Variants in WWOX observed in about 807,000 individuals in gnomAD.
The protein encoded by WWOX is WW domain-containing oxidoreductase.
A neutral mutation model predicts 46.2 loss-of-function variants in WWOX; 69 were observed. The observed-to-expected ratio is 1.49, with a 90% CI of 1.23 to 1.82. WWOX has a LOEUF of 1.82. Among genes scored for constraint, WWOX ranks in the 40% most tolerant of loss-of-function variants. The probability of loss-of-function intolerance (pLI) is 0.00; values close to 1 mark genes in which losing one functional copy is unlikely to be tolerated. For missense variants in WWOX, 919 were observed against 542.6 expected (o/e 1.69, Z -6.89); for synonymous variants, 359 against 202.6 (o/e 1.77, Z -6.56).
chr16:78,218,716 C>T (rs1241678173), intron 5 of WWOX, among the ~76,000 whole-genome samples: 1 of 152,160 alleles, frequency 6.6e-6, no homozygotes, highest in Non-Finnish European at 1.5e-5. Context: ...GACTTTGGGG[C>T]CAGGGCCCTT....
chr16:78,358,030 T>C (rs1175236236), intron 5 of WWOX, among the ~76,000 whole-genome samples: 1 of 152,178 alleles, frequency 6.6e-6, no homozygotes, highest in Non-Finnish European at 1.5e-5. Flanking sequence ...AGAACACACA[T>C]AATGAACCAT....
intron 8 of WWOX, among the ~76,000 whole-genome samples, chr16:79,052,159 A>C (rs1298503858): frequency 1.3e-5 from 2 of 151,878 alleles, no homozygotes; most frequent in Non-Finnish European, 2.9e-5. Flanking sequence ...ATCTAGCATT[A>C]GGTATATCTC....
intron 8 of WWOX, among the ~76,000 whole-genome samples, chr16:78,666,935 G>T (rs1310064601): frequency 6.6e-6 from 1 of 152,186 alleles, no homozygotes; most frequent in African/African-American, 2.4e-5. Flanking sequence ...GATGTCCAGG[G>T]GGTGACAGTT....
chr16:79,198,091 A>G (rs2150823335), intron 8 of WWOX, among the ~76,000 whole-genome samples: 1 of 151,930 alleles, frequency 6.6e-6, no homozygotes, highest in Non-Finnish European at 1.5e-5. Flanking sequence ...TGGGGAGGCC[A>G]AGACAGGTGG....
At chr16:78,718,990 A>T (rs2048631965) in intron 8 of WWOX, among the ~76,000 whole-genome samples, 1 of 152,076 alleles carries the variant, frequency 6.6e-6, no homozygotes, top group Non-Finnish European at 1.5e-5. Context: ...AGTCTGTAAG[A>T]TCCCAGGCAC....
Position 78,266,654 on chromosome 16 carries a change from C to T in WWOX, c.516+102365C>T, listed in dbSNP as rs181274014. On this transcript the variant is annotated intron_variant, in intron 5 of 8. Coordinates refer to ENST00000566780, the MANE Select transcript of WWOX (RefSeq NM_016373.4). Reference sequence around the variant, plus strand: ...TTTTTCTCAACCTCAGATTCCTCATCAAATGGAAGAAATAATGAGTATCCA... The same window carrying T: ...TTTTTCTCAACCTCAGATTCCTCATTAAATGGAAGAAATAATGAGTATCCA... Among the ~76,000 whole-genome samples, 10 of 152,240 alleles carry T rather than the reference C, an allele frequency of 6.6e-5. No homozygotes were observed. In the East Asian group the frequency reaches 1.9e-3, roughly 29 times the overall value.
intron 8 of WWOX, among the ~76,000 whole-genome samples, chr16:78,862,407 C>T (rs1232186004): frequency 6.6e-6 from 1 of 151,386 alleles, no homozygotes; most frequent in African/African-American, 2.4e-5. Flanking sequence ...AGTGTATGTA[C>T]TATACACTGT....
At chr16:78,700,269 A>C (rs1336834189) in intron 8 of WWOX, among the ~76,000 whole-genome samples, 1 of 145,682 alleles carries the variant, frequency 6.9e-6, no homozygotes, top group Admixed American at 6.9e-5. Flanking sequence ...TCTTTTCTGC[A>C]TTTGTGGACA....
intron 6 of WWOX, among the ~76,000 whole-genome samples, chr16:78,407,896 T>G (rs1169554935): frequency 6.6e-6 from 1 of 152,310 alleles, no homozygotes; most frequent in Non-Finnish European, 1.5e-5. Context: ...GAGATAACAT[T>G]TGCACATACA....
chr16:78,208,682 A>G (rs937143904), intron 5 of WWOX, among the ~76,000 whole-genome samples: 3 of 152,230 alleles, frequency 2.0e-5, no homozygotes, highest in Non-Finnish European at 4.4e-5. Flanking sequence ...TGCTGTAGCC[A>G]ATAAAAGCAT....
rs563168146 is a variant in WWOX at position 78,792,017 on chromosome 16, C to A, written c.1056+359265C>A. ...CTTTCAGAAGTCAGTACTGGACATT[C>A]CCTTATTTCACCTTGAGCTACACAT... On this transcript the variant is annotated intron_variant, in intron 8 of 8. Transcript: ENST00000566780. 1.2e-4 allele frequency among the ~76,000 whole-genome samples: 18 copies of A among 152,108 alleles called. No homozygotes were observed. The South Asian group carries it at 3.5e-3, about 30-fold the overall frequency.
At chr16:78,557,163 A>AT (rs2044317704) in intron 8 of WWOX, among the ~76,000 whole-genome samples, 1 of 152,248 alleles carries the variant, frequency 6.6e-6, no homozygotes, top group Non-Finnish European at 1.5e-5. Flanking sequence ...GGGCTATTAG[A>AT]TTTTGCCTCT....
At chr16:78,759,175 C>G (rs1237505644) in intron 8 of WWOX, among the ~76,000 whole-genome samples, 2 of 151,994 alleles carry the variant, frequency 1.3e-5, no homozygotes, top group African/African-American at 4.8e-5. Flanking sequence ...TTAGTGGTGA[C>G]TATGGGAAGA....
In WWOX at chr16:78,561,505, T is replaced by C. The variant is rs1035996844; in HGVS notation, c.1056+128753T>C. On this transcript the variant is annotated intron_variant, in intron 8 of 8. Coordinates refer to ENST00000566780, the MANE Select transcript of WWOX (RefSeq NM_016373.4). ...GTACCTAGAGTATGAATTGACTCAG[T>C]AACTGGAAGAATGCATGCGTACACC... 2.6e-5 allele frequency among the ~76,000 whole-genome samples: 4 copies of C among 151,982 alleles called. No individual in the cohort carries two copies. The South Asian group carries it at 8.3e-4, about 32-fold the overall frequency.
chr16:78,851,729 G>C (rs1039967886), intron 8 of WWOX, among the ~76,000 whole-genome samples: 1 of 152,174 alleles, frequency 6.6e-6, no homozygotes, highest in Non-Finnish European at 1.5e-5. Context: ...TTCAAATGAA[G>C]TGGACCTCCC....
intron 8 of WWOX, chr16:78,551,567 C>T (rs189256423): frequency 6.6e-6 from 1 of 152,318 alleles, no homozygotes; most frequent in Admixed American, 6.5e-5. Flanking sequence ...AGGATTCTGT[C>T]TGGTAGCTGT....
intron 8 of WWOX, among the ~76,000 whole-genome samples, chr16:78,528,200 G>A (rs1195903335): frequency 4.4e-5 from 4 of 91,830 alleles, no homozygotes; most frequent in South Asian, 3.8e-4. Flanking sequence ...ATTTTTAGTC[G>A]AGACAGGGTT....
intron 5 of WWOX, among the ~76,000 whole-genome samples, chr16:78,371,828 T>G (rs1401968074): frequency 6.6e-6 from 1 of 152,250 alleles, no homozygotes; most frequent in Admixed American, 6.5e-5. Context: ...AACATTTTTA[T>G]ATTTCTCTCT....
chr16:78,461,095 A>G (rs2083936352), intron 8 of WWOX, among the ~76,000 whole-genome samples: 3 of 152,196 alleles, frequency 2.0e-5, no homozygotes. Flanking sequence ...GCTTGATGCC[A>G]TAACAAAAGT....
Sources: gnomAD v4.1 joint callset for allele counts (sites outside exome capture counted in the v4.1 genomes callset) on GRCh38, gnomAD v4.1.1 for gene constraint, MANE v1.5 for transcripts, NCBI Gene and HGNC (gene_info 2026-07-23, HGNC 2026-07-21) for gene names.